Variants in LIMCH1 observed in about 807,000 individuals in gnomAD.
The protein encoded by LIMCH1 is LIM and calponin homology domains 1, also known as LIM and calponin homology domains-containing protein 1.
LIMCH1 carries 113 observed loss-of-function variants against 176.5 expected under a neutral mutation model. The ratio of observed to expected loss-of-function variants is 0.64; its 90% CI spans 0.55 to 0.75. LIMCH1 has a LOEUF of 0.75. Ranked by LOEUF, LIMCH1 falls within the 30% of genes least tolerant of loss-of-function variation. The probability of loss-of-function intolerance (pLI) is 0.00; values close to 1 mark genes in which losing one functional copy is unlikely to be tolerated. For missense variants in LIMCH1, 1,674 were observed against 1,814.9 expected (o/e 0.92, Z 1.41); for synonymous variants, 619 against 645.9 (o/e 0.96, Z 0.63).
intron 5 of LIMCH1, among the ~76,000 whole-genome samples, chr4:41,617,804 A>G (rs1477884019): frequency 6.6e-6 from 1 of 152,210 alleles, no homozygotes; most frequent in Non-Finnish European, 1.5e-5. Context: ...TGTGTTAGAG[A>G]CAACCCTAGG....
At chr4:41,680,679 A>T (rs1269300500) in intron 24 of LIMCH1, among the ~76,000 whole-genome samples, 1 of 152,228 alleles carries the variant, frequency 6.6e-6, no homozygotes, top group East Asian at 1.9e-4. Context: ...GTGCATAATC[A>T]GATCCCTAAT....
chr4:41,654,343 C>T (rs768076733), intron 18 of LIMCH1, among the ~76,000 whole-genome samples: 1 of 152,070 alleles, frequency 6.6e-6, no homozygotes, highest in Non-Finnish European at 1.5e-5. Context: ...GGTAAACAAC[C>T]GATACTCTAT....
At chr4:41,688,731 G>A (rs1722928725) in intron 29 of LIMCH1, 1 of 152,298 alleles carries the variant, frequency 6.6e-6, no homozygotes, top group African/African-American at 2.4e-5. Context: ...TGTCCTCAAG[G>A]TATCCTCTCA....
rs530736928 is a variant in LIMCH1 at position 41,445,901 on chromosome 4, T to A, written c.97-48635T>A. 2.0e-5 allele frequency among the ~76,000 whole-genome samples: 3 copies of A among 152,354 alleles called. No individual in the cohort carries two copies. The South Asian group carries it at 6.2e-4, about 32-fold the overall frequency. ...TTGGAGGACTTTGGCTCTTTGTGGCTGAGATAAATATATATCAACTTAAAG... is the reference window on the plus strand; with the variant it reads ...TTGGAGGACTTTGGCTCTTTGTGGCAGAGATAAATATATATCAACTTAAAG... On this transcript the variant is annotated intron_variant, in intron 1 of 26. Transcript: ENST00000313860.
chr4:41,439,334 A>T (rs535898693), intron 1 of LIMCH1, among the ~76,000 whole-genome samples: 2 of 152,284 alleles, frequency 1.3e-5, no homozygotes, highest in Non-Finnish European at 2.9e-5. Context: ...CATGCCTGTA[A>T]TCCCACTTTG....
chr4:41,554,428 G>GA (rs1373992621), intron 1 of LIMCH1, among the ~76,000 whole-genome samples: 1 of 152,152 alleles, frequency 6.6e-6, no homozygotes, highest in African/African-American at 2.4e-5. Flanking sequence ...TCACCTATGA[G>GA]ATGTTGTTTC....
At chr4:41,449,580 A>G (rs1267522687) in intron 1 of LIMCH1, among the ~76,000 whole-genome samples, 3 of 152,074 alleles carry the variant, frequency 2.0e-5, no homozygotes, top group African/African-American at 7.2e-5. Context: ...TTATACATGA[A>G]TCTTTGCACT....
At chr4:41,591,037 C>T (rs944451263) in intron 1 of LIMCH1, among the ~76,000 whole-genome samples, 2 of 152,008 alleles carry the variant, frequency 1.3e-5, no homozygotes, top group African/African-American at 4.8e-5. Flanking sequence ...ATGTAGAAAA[C>T]CTAACCAAAA....
At chr4:41,693,399 T>C (rs1262058760) in intron 31 of LIMCH1, 1 of 152,152 alleles carries the variant, frequency 6.6e-6, no homozygotes, top group Non-Finnish European at 1.5e-5. Flanking sequence ...ATATGCCTAT[T>C]AATAAAATGG....
At chr4:41,636,696 G>T (rs1047994109) in intron 13 of LIMCH1, among the ~76,000 whole-genome samples, 2 of 152,122 alleles carry the variant, frequency 1.3e-5, no homozygotes, top group African/African-American at 4.8e-5. Context: ...TTTTGGTATA[G>T]ATCTACATTT....
At chr4:41,624,669 C>G (rs1411456246) in intron 7 of LIMCH1, among the ~76,000 whole-genome samples, 5 of 152,054 alleles carry the variant, frequency 3.3e-5, no homozygotes, top group Admixed American at 1.3e-4. Context: ...ACAGGCTTTT[C>G]TGGAGAGCAG....
intron 1 of LIMCH1, among the ~76,000 whole-genome samples, chr4:41,456,360 C>A (rs763474553): frequency 1.3e-5 from 2 of 151,990 alleles, no homozygotes; most frequent in African/African-American, 2.4e-5. Flanking sequence ...TGTGCGTGTG[C>A]ATGTGTGTGA....
chr4:41,533,555 A>G (rs1046459984), upstream of LIMCH1, among the ~76,000 whole-genome samples: 3 of 152,202 alleles, frequency 2.0e-5, no homozygotes, highest in African/African-American at 7.2e-5. Flanking sequence ...TTCTGCACAT[A>G]TATACCAAAT....
At chr4:41,660,915 G>T (rs190255558) in intron 18 of LIMCH1, among the ~76,000 whole-genome samples, 115 of 152,264 alleles carry the variant, frequency 7.6e-4, no homozygotes, top group African/African-American at 2.6e-3. Context: ...AGAGGGAAAA[G>T]GAGAGAATGA....
rs1561362763 is a variant in LIMCH1 at position 41,435,297 on chromosome 4, G to A, written c.97-59239G>A. On this transcript the variant is annotated intron_variant, in intron 1 of 26. Transcript: ENST00000313860. ...AGGTATTGGAGTGATGCATTTCGACGATGAAGAAGGGACCATGAGCAAAGG... is the reference window on the plus strand; with the variant it reads ...AGGTATTGGAGTGATGCATTTCGACAATGAAGAAGGGACCATGAGCAAAGG... Among the ~76,000 whole-genome samples, 6 of 152,278 alleles carry A rather than the reference G, an allele frequency of 3.9e-5. No individual in the cohort carries two copies. In the South Asian group the frequency reaches 1.2e-3, roughly 32 times the overall value.
chr4:41,487,930 T>TC (rs1052714268), intron 1 of LIMCH1, among the ~76,000 whole-genome samples: 1 of 151,844 alleles, frequency 6.6e-6, no homozygotes, highest in African/African-American at 2.4e-5. Flanking sequence ...TTTTTTTTTT[T>TC]TCTATAGATT....
chr4:41,581,614 G>A (rs1286728826), intron 1 of LIMCH1, among the ~76,000 whole-genome samples: 2 of 151,878 alleles, frequency 1.3e-5, no homozygotes, highest in Non-Finnish European at 1.5e-5. Flanking sequence ...AGACCATCCT[G>A]GCCAACATGG....
At chr4:41,627,105 A>G (rs1403021234) in intron 8 of LIMCH1, 95 bp downstream of exon 8, 8 of 1,422,950 alleles carry the variant, frequency 5.6e-6, no homozygotes, top group South Asian at 4.5e-5. Flanking sequence ...GTCAGTTTGT[A>G]TTGTACCCCC....
At chr4:41,395,090 T>G (rs1425849462) in intron 1 of LIMCH1, among the ~76,000 whole-genome samples, 1 of 152,232 alleles carries the variant, frequency 6.6e-6, no homozygotes, top group Non-Finnish European at 1.5e-5. Flanking sequence ...TTGTCTATGT[T>G]GTATGGTTCT....
Sources: allele counts gnomAD v4.1 joint callset (sites outside exome capture counted in the v4.1 genomes callset), GRCh38; gene constraint gnomAD v4.1.1; transcripts MANE v1.5; gene names NCBI Gene and HGNC (gene_info 2026-07-23, HGNC 2026-07-21).